KCNQ3: variants seen among roughly 807,000 people sequenced by gnomAD.
KCNQ3 encodes the protein potassium voltage-gated channel subfamily KQT member 3.
Under a neutral mutation model 92.5 loss-of-function variants are expected in KCNQ3, and 30 were observed. The observed-to-expected ratio is 0.32, with a 90% CI of 0.24 to 0.44. KCNQ3 has a LOEUF of 0.44. KCNQ3 is among the 20% of genes least tolerant of loss of function. KCNQ3 has a pLI of 1.00. For synonymous variants in KCNQ3, 450 were observed against 468.8 expected (o/e 0.96, Z 0.52); for missense variants, 913 against 1,140.3 (o/e 0.80, Z 2.87).
chr8:132,236,052 T>TA (rs1255617981), intron 1 of KCNQ3, among the ~76,000 whole-genome samples: 2 of 152,186 alleles, frequency 1.3e-5, no homozygotes, highest in East Asian at 3.9e-4. Context: ...CTTTTCTGGA[T>TA]AAATCCATCA....
chr8:132,397,336 G>A, intron 1 of KCNQ3, among the ~76,000 whole-genome samples: 1 of 152,042 alleles, frequency 6.6e-6, no homozygotes, highest in Non-Finnish European at 1.5e-5. Flanking sequence ...TTTCCAGTTG[G>A]GTGGAAAGAT....
intron 3 of KCNQ3, 105 bp downstream of exon 3, chr8:132,184,135 CA>C: frequency 7.0e-7 from 1 of 1,437,442 alleles, no homozygotes. Flanking sequence ...CTGGCCTCCA[CA>C]GTGCCGCGTG....
intron 1 of KCNQ3, among the ~76,000 whole-genome samples, chr8:132,386,597 A>T (rs182691195): frequency 0.011 from 1,705 of 152,292 alleles, 25 homozygotes; most frequent in African/African-American, 0.039. Context: ...ACCATTAAGT[A>T]AGATATTTCC....
intron 9 of KCNQ3, among the ~76,000 whole-genome samples, chr8:132,150,790 G>A (rs1825613453): frequency 6.6e-6 from 1 of 151,928 alleles, no homozygotes; most frequent in Middle Eastern, 3.2e-3. Context: ...AAGATCTTAT[G>A]GGGACTGGGT....
Position 132,373,093 on chromosome 8 carries a change from G to A in KCNQ3, c.386+107054C>T, listed in dbSNP as rs1257836804. On this transcript the variant is annotated intron_variant, in intron 1 of 14. Coordinates refer to ENST00000388996, the MANE Select transcript of KCNQ3 (RefSeq NM_004519.4). ...CACCAGGCTCATCCCATCTCCCTGC[G>A]CTTTCCCAGCCCCATGCAGGCCTTT... Among the ~76,000 whole-genome samples, 4 of 152,068 alleles carry A rather than the reference G, an allele frequency of 2.6e-5. No individual in the cohort carries two copies. In the East Asian group the frequency reaches 5.8e-4, roughly 22 times the overall value.
At chr8:132,347,492 A>T (rs1818726304) in intron 1 of KCNQ3, among the ~76,000 whole-genome samples, 1 of 152,218 alleles carries the variant, frequency 6.6e-6, no homozygotes, top group South Asian at 2.1e-4. Flanking sequence ...GGAGTAAAAA[A>T]GGGTATATAT....
chr8:132,383,766 C>G (rs1166052321), intron 1 of KCNQ3, among the ~76,000 whole-genome samples: 1 of 152,180 alleles, frequency 6.6e-6, no homozygotes, highest in Non-Finnish European at 1.5e-5. Context: ...AGGAACCTAT[C>G]TGTAGATGAC....
intron 1 of KCNQ3, among the ~76,000 whole-genome samples, chr8:132,192,821 T>G (rs981237155): frequency 1.3e-5 from 2 of 152,092 alleles, no homozygotes; most frequent in Non-Finnish European, 2.9e-5. Flanking sequence ...GGTTAATTTT[T>G]GGGATTTTTA....
chr8:132,210,752 A>C (rs1813825994), intron 1 of KCNQ3, among the ~76,000 whole-genome samples: 1 of 152,204 alleles, frequency 6.6e-6, no homozygotes, highest in African/African-American at 2.4e-5. Flanking sequence ...AAGCCAGAAA[A>C]GCAGAGAGAA....
intron 1 of KCNQ3, among the ~76,000 whole-genome samples, chr8:132,348,360 A>C (rs1818758173): frequency 6.6e-6 from 1 of 152,162 alleles, no homozygotes; most frequent in African/African-American, 2.4e-5. Flanking sequence ...TGTTAGAGAT[A>C]ATTTTTCATG....
At chr8:132,210,665 C>T (rs149983094) in intron 1 of KCNQ3, among the ~76,000 whole-genome samples, 4 of 152,240 alleles carry the variant, frequency 2.6e-5, no homozygotes, top group African/African-American at 4.8e-5. Flanking sequence ...GAACCTACTT[C>T]GAAGTTCACT....
intron 3 of KCNQ3, among the ~76,000 whole-genome samples, chr8:132,183,243 G>C (rs1826850630): frequency 6.6e-6 from 1 of 152,030 alleles, no homozygotes; most frequent in African/African-American, 2.4e-5. Flanking sequence ...TGATGACGTT[G>C]TTTCTTGGTA....
intron 1 of KCNQ3, among the ~76,000 whole-genome samples, chr8:132,281,434 TATATACTTGGAATATATATACAC>T (rs1235744548): frequency 6.6e-6 from 1 of 152,092 alleles, no homozygotes; most frequent in Non-Finnish European, 1.5e-5. Context: ...ATATATTATA[TATATACTTGGAATATATATACAC>T]ATACACATGG....
At chr8:132,294,000 G>GTTTTTTT (rs386414036) in intron 1 of KCNQ3, among the ~76,000 whole-genome samples, 2 of 124,192 alleles carry the variant, frequency 1.6e-5, no homozygotes, top group Non-Finnish European at 1.6e-5. Context: ...TGTGTGTGTG[G>GTTTTTTT]TTTTTTTTTT....
At chr8:132,163,400 C>G in intron 9 of KCNQ3, 68 bp downstream of exon 9, 1 of 1,358,832 alleles carries the variant, frequency 7.4e-7, no homozygotes, top group Middle Eastern at 1.8e-4. Flanking sequence ...GGCCCTACAC[C>G]ATATGGAGCA....
At chr8:132,423,597 G>A (rs1212663859) in intron 1 of KCNQ3, among the ~76,000 whole-genome samples, 2 of 152,206 alleles carry the variant, frequency 1.3e-5, no homozygotes, top group Non-Finnish European at 2.9e-5. Context: ...TATCTCACAG[G>A]GCTGTTGTGA....
rs774047792 is a variant in KCNQ3, at chr8:132,480,190, G to A, written c.343C>T (p.Leu115=). The change falls in exon 1 of 15, where the codon CTG becomes TTG. Residue 115 remains leucine (L), a synonymous_variant. Coordinates refer to ENST00000388996, the MANE Select transcript of KCNQ3 (RefSeq NM_004519.4). ...RRIQTLIYDA[L]ERPRGWALLY... ...AGCGCCCAGCCCCGCGGTCTCTCCA[G>A]GGCGTCGTAGATCAAAGTTTGGATG... 18 of 1,613,068 alleles carry A rather than the reference G, an allele frequency of 1.1e-5. No individual in the cohort carries two copies. The highest frequency in any genetic ancestry group is 1.4e-5 in the Non-Finnish European group (17 of 1,179,508).
At chr8:132,475,850 G>T (rs546698222) in intron 1 of KCNQ3, among the ~76,000 whole-genome samples, 1 of 152,328 alleles carries the variant, frequency 6.6e-6, no homozygotes, top group South Asian at 2.1e-4. Flanking sequence ...AAGACAACAG[G>T]GAAAATGTCT....
At chr8:132,196,453 A>T (rs764303392) in intron 1 of KCNQ3, among the ~76,000 whole-genome samples, 1 of 152,204 alleles carries the variant, frequency 6.6e-6, no homozygotes. Flanking sequence ...TGGGCATTCA[A>T]TGATGAACAG....
Sources: gnomAD v4.1 joint callset for allele counts (sites outside exome capture counted in the v4.1 genomes callset) on GRCh38, gnomAD v4.1.1 for gene constraint, MANE v1.5 for transcripts, NCBI Gene and HGNC (gene_info 2026-07-23, HGNC 2026-07-21) for gene names.